Variants in TANC2 observed in about 807,000 individuals in gnomAD.
TANC2 encodes protein TANC2.
TANC2 carries 26 observed loss-of-function variants against 210.5 expected under a neutral mutation model. The observed-to-expected ratio is 0.12, with a 90% CI of 0.09 to 0.17. The LOEUF (loss-of-function observed/expected upper bound fraction) is 0.17. TANC2 is among the 10% of genes least tolerant of loss of function. The pLI is 1.00. For synonymous variants in TANC2, 931 were observed against 967.1 expected, an observed-to-expected ratio of 0.96 and a Z score of 0.69; for missense variants, 2,129 against 2,608.9, an observed-to-expected ratio of 0.82 and a Z score of 4.01.
rs77640500 is a variant in TANC2, at chr17:63,232,830, C to T, written c.770-4984C>T. On this transcript the variant is annotated intron_variant, in intron 7 of 27. Transcript: ENST00000689528. ...GGGAATCCCACTTGTCTGGACTACC[C>T]GGATTCCTCAGAGCCAGCAGCGGGA... Among the ~76,000 whole-genome samples the T allele has an allele frequency of 8.5e-3, 1,291 of 152,348 alleles. 15 individuals are homozygous for T. Among genetic ancestry groups the T allele is most frequent in the African/African-American group, 0.028 (1,176 of 41,580 alleles).
intron 1 of TANC2, among the ~76,000 whole-genome samples, chr17:63,001,663 G>C (rs543067272): frequency 1.3e-5 from 2 of 151,204 alleles, no homozygotes; most frequent in African/African-American, 4.9e-5. Flanking sequence ...TCCTGCTTCA[G>C]ACTCCCAAGT....
chr17:63,322,328 C>T (rs1042653334), intron 11 of TANC2, among the ~76,000 whole-genome samples: 2 of 152,118 alleles, frequency 1.3e-5, no homozygotes, highest in Non-Finnish European at 2.9e-5. Flanking sequence ...GAAGCCCCGT[C>T]TCTACTAAAA....
chr17:63,176,010 GTATT>G (rs771411589), intron 5 of TANC2, among the ~76,000 whole-genome samples: 1 of 152,186 alleles, frequency 6.6e-6, no homozygotes, highest in Non-Finnish European at 1.5e-5. Context: ...ATACCACTGT[GTATT>G]TATTAGTATA....
intron 2 of TANC2, among the ~76,000 whole-genome samples, chr17:63,039,409 A>G (rs2035096495): frequency 6.6e-6 from 1 of 152,208 alleles, no homozygotes; most frequent in South Asian, 2.1e-4. Context: ...GCAAAGTGAA[A>G]GTAGCATACA....
chr17:63,414,353 A>G (rs2048795234), intron 25 of TANC2: 3 of 152,334 alleles, frequency 2.0e-5, no homozygotes, highest in South Asian at 4.1e-4. Context: ...TATTATTCTC[A>G]CCTGTGTCAG....
At chr17:63,315,017 T>C (rs2045271166) in intron 10 of TANC2, among the ~76,000 whole-genome samples, 1 of 152,050 alleles carries the variant, frequency 6.6e-6, no homozygotes. Context: ...CTGTGCCCAG[T>C]TCTTCTTCTT....
chr17:63,259,870 A>G (rs1217889406), intron 8 of TANC2, among the ~76,000 whole-genome samples: 1 of 152,006 alleles, frequency 6.6e-6, no homozygotes, highest in Non-Finnish European at 1.5e-5. Flanking sequence ...GTACCCTATA[A>G]TTATTTTTAT....
At chr17:63,130,689 A>G (rs1238162345) in intron 4 of TANC2, among the ~76,000 whole-genome samples, 2 of 152,178 alleles carry the variant, frequency 1.3e-5, no homozygotes, top group Admixed American at 6.5e-5. Flanking sequence ...CTGTATAATA[A>G]AGAGTTTTAT....
At chr17:63,120,834 A>C (rs1392825938) in intron 4 of TANC2, 1 of 150,690 alleles carries the variant, frequency 6.6e-6, no homozygotes, top group African/African-American at 2.4e-5. Context: ...AAAAAAAAAA[A>C]AAAAAAACTA....
At chr17:63,415,399 C>A in intron 25 of TANC2, 129 bp from the exon 26 acceptor site, 2 of 1,248,436 alleles carry the variant, frequency 1.6e-6, no homozygotes, top group Non-Finnish European at 2.2e-6. Context: ...CAGAACTCCT[C>A]TCTAGGCTGG....
At chr17:63,203,619 A>G (rs1233130284) in intron 7 of TANC2, among the ~76,000 whole-genome samples, 1 of 152,176 alleles carries the variant, frequency 6.6e-6, no homozygotes, top group Non-Finnish European at 1.5e-5. Context: ...CTCACTGCCT[A>G]TTGTATACTT....
At chr17:63,015,107 T>G (rs1307757218) in intron 2 of TANC2, among the ~76,000 whole-genome samples, 1 of 150,786 alleles carries the variant, frequency 6.6e-6, no homozygotes, top group African/African-American at 2.5e-5. Context: ...GGCTTATTTT[T>G]GGGGTTAATA....
At chr17:63,075,755 G>C (rs905436962) in intron 3 of TANC2, among the ~76,000 whole-genome samples, 4 of 152,030 alleles carry the variant, frequency 2.6e-5, no homozygotes, top group Admixed American at 6.6e-5. Context: ...CTGACCTCAA[G>C]TGATCCATTC....
At chr17:62,975,491 A>G (rs1460426054) in intron 1 of TANC2, among the ~76,000 whole-genome samples, 1 of 151,964 alleles carries the variant, frequency 6.6e-6, no homozygotes, top group Non-Finnish European at 1.5e-5. Flanking sequence ...GTCCAACCAC[A>G]TACACCCATA....
intron 9 of TANC2, among the ~76,000 whole-genome samples, chr17:63,303,419 G>T (rs1182744584): frequency 1.3e-5 from 2 of 152,158 alleles, no homozygotes; most frequent in Non-Finnish European, 1.5e-5. Context: ...GTTGAATATT[G>T]GCCCCCACTG....
At chr17:62,982,307 G>A (rs1187219750) in intron 1 of TANC2, among the ~76,000 whole-genome samples, 3 of 152,084 alleles carry the variant, frequency 2.0e-5, no homozygotes, top group Non-Finnish European at 4.4e-5. Flanking sequence ...AGGAACTGGG[G>A]ACAAAGGTTC....
At chr17:63,254,681 T>C (rs996457294) in intron 8 of TANC2, among the ~76,000 whole-genome samples, 2 of 152,210 alleles carry the variant, frequency 1.3e-5, no homozygotes, top group African/African-American at 4.8e-5. Flanking sequence ...ATTTTTATCA[T>C]GAAGGGATGT....
chr17:63,236,439 AATC>A (rs1262805326), intron 7 of TANC2, among the ~76,000 whole-genome samples: 7 of 152,152 alleles, frequency 4.6e-5, no homozygotes, highest in Non-Finnish European at 1.0e-4. Flanking sequence ...CTTATTATCT[AATC>A]ATGAATTTAC....
intron 7 of TANC2, among the ~76,000 whole-genome samples, chr17:63,231,725 T>G (rs2042481748): frequency 6.6e-6 from 1 of 152,164 alleles, no homozygotes; most frequent in Non-Finnish European, 1.5e-5. Flanking sequence ...GGGAATCTGA[T>G]TATTATGTGT....
Sources: gnomAD v4.1 joint callset for allele counts (sites outside exome capture counted in the v4.1 genomes callset) on GRCh38, gnomAD v4.1.1 for gene constraint, MANE v1.5 for transcripts, NCBI Gene and HGNC (gene_info 2026-07-23, HGNC 2026-07-21) for gene names.